The following LCOR variants were observed in gnomAD, a reference collection of about 807,000 sequenced individuals.
The protein encoded by LCOR is ligand dependent nuclear receptor corepressor, also known as ligand-dependent corepressor.
Under a neutral mutation model 64.4 loss-of-function variants are expected in LCOR, and 14 were observed. The ratio of observed to expected loss-of-function variants is 0.22; its 90% CI spans 0.14 to 0.34. The LOEUF (loss-of-function observed/expected upper bound fraction) is 0.34, where lower values mean the gene tolerates loss of function less well. Ranked by LOEUF, LCOR falls within the 10% of genes least tolerant of loss-of-function variation. The pLI is 1.00. For missense variants in LCOR, 1,686 were observed against 1,765.3 expected (o/e 0.96, Z 0.80); for synonymous variants, 643 against 642.5 (o/e 1.00, Z -0.01).
chr10:96,941,120 T>G, intron 4 of LCOR, among the ~76,000 whole-genome samples: 1 of 111,460 alleles, frequency 9.0e-6, no homozygotes, highest in Non-Finnish European at 1.9e-5. Flanking sequence ...GGCTCCTCAC[T>G]TCCCAGTAGG....
At chr10:96,979,291 T>A (rs2134560768) in intron 7 of LCOR, among the ~76,000 whole-genome samples, 1 of 152,370 alleles carries the variant, frequency 6.6e-6, no homozygotes, top group Middle Eastern at 3.4e-3. Flanking sequence ...TGAGGAATTA[T>A]AATCCATACA....
intron 2 of LCOR, among the ~76,000 whole-genome samples, chr10:96,890,692 A>G (rs1259383968): frequency 1.3e-5 from 2 of 152,180 alleles, no homozygotes; most frequent in Non-Finnish European, 2.9e-5. Context: ...TAGCTGTTTC[A>G]TAACCAGGGT....
Position 96,982,805 on chromosome 10 carries a change from G to A in LCOR, c.2345G>A (p.Cys782Tyr), listed in dbSNP as rs750933041. 3.7e-6 allele frequency: 6 copies of A among 1,613,942 alleles called. No individual in the cohort carries two copies. In the African/African-American group the frequency reaches 4.0e-5, roughly 11 times the overall value. ...GAGGGAGAGGACGGTGATGTAAAAT[G>A]CCTGTCAGAAAAAGACACGTATGAT... ...KLEGEDGDVK[C>Y]LSEKDTYDTS... The change falls in exon 8 of 8, where the codon TGC (cysteine) becomes TAC (tyrosine). Residue 782 changes from cysteine (C) to tyrosine (Y), a missense_variant. Cys to Tyr is a radical substitution (Grantham distance 194). Coordinates refer to ENST00000421806, the MANE Select transcript of LCOR (RefSeq NM_001346516.2).
chr10:96,876,937 C>T (rs1447072316), intron 2 of LCOR, among the ~76,000 whole-genome samples: 1 of 152,126 alleles, frequency 6.6e-6, no homozygotes, highest in Non-Finnish European at 1.5e-5. Flanking sequence ...TCAGGTGATC[C>T]ACCTGCTTCG....
chr10:96,870,290 C>T (rs1489467075), intron 2 of LCOR, among the ~76,000 whole-genome samples: 3 of 152,250 alleles, frequency 2.0e-5, no homozygotes, highest in African/African-American at 2.4e-5. Context: ...GGATTACAGG[C>T]GTGAGCCACC....
chr10:96,968,508 A>C (rs1389734510), intron 7 of LCOR, among the ~76,000 whole-genome samples: 4 of 152,252 alleles, frequency 2.6e-5, no homozygotes, highest in African/African-American at 9.6e-5. Flanking sequence ...TATTGAAAGC[A>C]TATAAAACCT....
chr10:96,912,210 T>C (rs1846850283), intron 4 of LCOR, among the ~76,000 whole-genome samples: 1 of 152,134 alleles, frequency 6.6e-6, no homozygotes, highest in Non-Finnish European at 1.5e-5. Flanking sequence ...TGATAACAGG[T>C]GTGAGCCACT....
Position 96,982,799 on chromosome 10 carries a change from T to C in LCOR, c.2339T>C (p.Val780Ala). 6.2e-7 allele frequency: 1 copy of C among 1,614,010 alleles called. No individual in the cohort carries two copies. Among genetic ancestry groups the C allele is most frequent in the African/African-American group, 1.3e-5 (1 of 74,998 alleles). Residue 780 changes from valine to alanine, a missense_variant, in exon 8 of 8, where the codon GTA becomes GCA. By Grantham distance (64) the Val-to-Ala change is moderately conservative. This residue lies in a region of LCOR where 1,293 missense variants were observed against 1,410.4 expected (regional missense o/e 0.92). Coordinates refer to ENST00000421806, the MANE Select transcript of LCOR (RefSeq NM_001346516.2). The part of the protein sequence containing the change: ...IGKLEGEDGD[V>A]KCLSEKDTYD... ...AAATTAGAGGGAGAGGACGGTGATG[T>C]AAAATGCCTGTCAGAAAAAGACACG...
chr10:96,873,892 T>C (rs1846119726), intron 2 of LCOR, among the ~76,000 whole-genome samples: 2 of 151,886 alleles, frequency 1.3e-5, no homozygotes. Context: ...GATTAAAGGG[T>C]GTGGGGGAAG....
At chr10:96,833,511 C>G (rs1356534925) in intron 2 of LCOR, 32 bp downstream of exon 2, 5 of 909,104 alleles carry the variant, frequency 5.5e-6, no homozygotes, top group Non-Finnish European at 6.6e-6. Flanking sequence ...TCCGCTCCGC[C>G]CGCCGCCCCC....
chr10:96,864,773 G>A (rs567066120), intron 2 of LCOR, among the ~76,000 whole-genome samples: 2 of 152,226 alleles, frequency 1.3e-5, no homozygotes, highest in African/African-American at 2.4e-5. Context: ...TACCATTGCC[G>A]ACAGCATTCA....
intron 4 of LCOR, among the ~76,000 whole-genome samples, chr10:96,927,254 C>G (rs1299944212): frequency 6.6e-6 from 1 of 151,998 alleles, no homozygotes. Flanking sequence ...ATTTTTATTT[C>G]CCTGATACTG....
At chr10:96,839,568 T>A (rs1845503640) in intron 2 of LCOR, among the ~76,000 whole-genome samples, 1 of 152,302 alleles carries the variant, frequency 6.6e-6, no homozygotes, top group African/African-American at 2.4e-5. Context: ...CTGAGTTTAG[T>A]GAGAATTTGG....
At chr10:96,927,092 C>T (rs770095094) in intron 4 of LCOR, among the ~76,000 whole-genome samples, 43 of 152,092 alleles carry the variant, frequency 2.8e-4, no homozygotes, top group Non-Finnish European at 4.6e-4. Flanking sequence ...TATTATGATA[C>T]GGTTTACCAA....
In LCOR at chr10:96,940,284, T is replaced by C. The variant is rs559748763; in HGVS notation, c.-183-3829T>C. On this transcript the variant is annotated intron_variant, in intron 4 of 7. Coordinates refer to ENST00000421806, the MANE Select transcript of LCOR (RefSeq NM_001346516.2). ...ATAAAAGAATGTTGGCAAATACAAC[T>C]ATAATAAAGGTGGTCATGATTTTTT... is the stretch of plus-strand genomic sequence containing the variant. Among the ~76,000 whole-genome samples the C allele has an allele frequency of 1.3e-3, 191 of 146,646 alleles. 5 individuals are homozygous for C. In the South Asian group the frequency reaches 0.04, roughly 31 times the overall value.
chr10:96,966,218 C>CTTT (rs1491218617), intron 7 of LCOR, among the ~76,000 whole-genome samples: 2 of 99,758 alleles, frequency 2.0e-5, no homozygotes, highest in African/African-American at 4.5e-5. Context: ...CCCCAAAGGA[C>CTTT]TCTTTTTTTT....
At chr10:96,980,485 C>T (rs1257125541) in intron 7 of LCOR, among the ~76,000 whole-genome samples, 1 of 152,044 alleles carries the variant, frequency 6.6e-6, no homozygotes, top group Non-Finnish European at 1.5e-5. Context: ...GTAAATAATT[C>T]ACATTTATTG....
At chr10:96,927,159 C>T (rs887131211) in intron 4 of LCOR, among the ~76,000 whole-genome samples, 46 of 152,106 alleles carry the variant, frequency 3.0e-4, no homozygotes, top group African/African-American at 9.4e-4. Flanking sequence ...CAGTGTTCCT[C>T]GTCTTACCAA....
intron 4 of LCOR, among the ~76,000 whole-genome samples, chr10:96,934,135 A>G (rs938954579): frequency 6.6e-6 from 1 of 152,248 alleles, no homozygotes; most frequent in Non-Finnish European, 1.5e-5. Context: ...TCTTTAAAGT[A>G]ATCCAGATTC....
Sources: gnomAD v4.1 joint callset for allele counts (sites outside exome capture counted in the v4.1 genomes callset) on GRCh38, gnomAD v4.1.1 for gene constraint, gnomAD v4.1.1 regional missense constraint, MANE v1.5 for transcripts, NCBI Gene and HGNC (gene_info 2026-07-23, HGNC 2026-07-21) for gene names.